The following ADCY8 variants were observed in gnomAD, a reference collection of about 807,000 sequenced individuals.
ADCY8 encodes adenylate cyclase 8, also known as adenylate cyclase type 8.
A neutral mutation model predicts 119.7 loss-of-function variants in ADCY8; 51 were observed. That is an observed-to-expected ratio of 0.43 (90% CI 0.34 to 0.54). The LOEUF (loss-of-function observed/expected upper bound fraction) is 0.54, where lower values mean the gene tolerates loss of function less well. ADCY8 is among the 20% of genes least tolerant of loss of function. The pLI is 0.03. For synonymous variants in ADCY8, 665 were observed against 651.0 expected (o/e 1.02, Z -0.33); for missense variants, 1,383 against 1,598.8 (o/e 0.87, Z 2.30).
chr8:130,881,690 C>T (rs1255694759), intron 8 of ADCY8, among the ~76,000 whole-genome samples: 1 of 151,922 alleles, frequency 6.6e-6, no homozygotes, highest in Non-Finnish European at 1.5e-5. Context: ...TTCAATTTTC[C>T]TTAAAATGTA....
chr8:130,785,343 C>T, intron 16 of ADCY8, 40 bp downstream of exon 16: 1 of 1,434,694 alleles, frequency 7.0e-7, no homozygotes. Context: ...AACAGCAAGA[C>T]CCCACCATGC....
intron 2 of ADCY8, among the ~76,000 whole-genome samples, chr8:130,972,216 C>T (rs1257643229): frequency 6.6e-6 from 1 of 152,196 alleles, no homozygotes; most frequent in Non-Finnish European, 1.5e-5. Context: ...TTATTGAGCA[C>T]TTACTATGTG....
At chr8:131,010,780 C>A (rs1586653759) in intron 1 of ADCY8, among the ~76,000 whole-genome samples, 1 of 152,210 alleles carries the variant, frequency 6.6e-6, no homozygotes, top group African/African-American at 2.4e-5. Context: ...CTTTCATAAT[C>A]ATGCTACCTA....
intron 1 of ADCY8, among the ~76,000 whole-genome samples, chr8:131,014,260 G>A (rs946391649): frequency 4.6e-5 from 7 of 152,068 alleles, no homozygotes; most frequent in South Asian, 2.1e-4. Flanking sequence ...CTCATTTCAC[G>A]TTTCAATCAA....
chr8:130,801,031 TG>T, intron 14 of ADCY8, among the ~76,000 whole-genome samples: 1 of 152,302 alleles, frequency 6.6e-6, no homozygotes, highest in East Asian at 1.9e-4. Context: ...ACCATCACCT[TG>T]TGAGTTAGGG....
At position 131,024,693 on chromosome 8, in the gene ADCY8, C is replaced by T. The variant is rs572656845; in HGVS notation, c.960+14681G>A. On this transcript the variant is annotated intron_variant, in intron 1 of 17. Coordinates refer to ENST00000286355, the MANE Select transcript of ADCY8 (RefSeq NM_001115.3). ...TAATTATCACAATTACTAGTCCGTT[C>T]GAAACAAATTCAATGACTGAATGAC... Among the ~76,000 whole-genome samples the T allele has an allele frequency of 5.3e-5, 8 of 152,224 alleles. No homozygotes were observed. In the East Asian group the frequency reaches 5.8e-4, roughly 11 times the overall value.
chr8:130,852,540 C>T (rs1817567396), intron 9 of ADCY8, among the ~76,000 whole-genome samples: 1 of 152,122 alleles, frequency 6.6e-6, no homozygotes, highest in African/African-American at 2.4e-5. Context: ...TCATGTGGCT[C>T]ATTCACATGA....
intron 15 of ADCY8, among the ~76,000 whole-genome samples, chr8:130,791,807 G>T (rs1386249783): frequency 6.6e-6 from 1 of 152,184 alleles, no homozygotes; most frequent in Non-Finnish European, 1.5e-5. Context: ...TCCATCCCTT[G>T]TCATGTAGGC....
intron 5 of ADCY8, among the ~76,000 whole-genome samples, chr8:130,936,238 C>A (rs1447496914): frequency 1.3e-5 from 2 of 152,084 alleles, no homozygotes; most frequent in African/African-American, 2.4e-5. Context: ...TGTCTGAAAG[C>A]CACACACAGC....
chr8:131,013,739 T>C (rs1260686075), intron 1 of ADCY8, among the ~76,000 whole-genome samples: 3 of 151,984 alleles, frequency 2.0e-5, no homozygotes, highest in African/African-American at 7.3e-5. Flanking sequence ...TGATTCATCA[T>C]TAGTTACTGA....
chr8:130,981,256 T>C (rs1199108295), intron 2 of ADCY8, among the ~76,000 whole-genome samples: 1 of 152,246 alleles, frequency 6.6e-6, no homozygotes, highest in Non-Finnish European at 1.5e-5. Context: ...CCAATCTATT[T>C]TGGGTGTGAC....
intron 12 of ADCY8, 78 bp downstream of exon 12, chr8:130,836,199 G>A: frequency 7.0e-7 from 1 of 1,435,540 alleles, no homozygotes. Flanking sequence ...TAGTAATGCA[G>A]CGGGCATCAT....
At chr8:130,849,273 C>T (rs2130313046) in intron 10 of ADCY8, among the ~76,000 whole-genome samples, 1 of 152,308 alleles carries the variant, frequency 6.6e-6, no homozygotes, top group African/African-American at 2.4e-5. Context: ...CAGTGCATGG[C>T]ACATAGCAGG....
intron 11 of ADCY8, among the ~76,000 whole-genome samples, chr8:130,843,859 G>A (rs1440125506): frequency 6.6e-6 from 1 of 152,158 alleles, no homozygotes; most frequent in Admixed American, 6.5e-5. Flanking sequence ...TAGGAAGGAT[G>A]GAGTGTGAAT....
chr8:130,899,908 C>T (rs1819539281), intron 7 of ADCY8, among the ~76,000 whole-genome samples: 1 of 152,158 alleles, frequency 6.6e-6, no homozygotes, highest in South Asian at 2.1e-4. Flanking sequence ...TGGATATTCT[C>T]CCCCATATGT....
chr8:130,871,279 T>G (rs751280217), intron 8 of ADCY8, among the ~76,000 whole-genome samples: 2 of 152,192 alleles, frequency 1.3e-5, no homozygotes, highest in African/African-American at 2.4e-5. Flanking sequence ...CCTTGTCTCA[T>G]CTCTGTTCTG....
intron 5 of ADCY8, among the ~76,000 whole-genome samples, chr8:130,921,449 CTTTTTTTTTT>C (rs35570520): frequency 9.3e-6 from 1 of 107,656 alleles, no homozygotes; most frequent in Admixed American, 9.3e-5. Flanking sequence ...TTTTTCTTTT[CTTTTTTTTTT>C]TTTTTTTTGA....
At chr8:130,951,397 G>C (rs1821266568) in intron 3 of ADCY8, among the ~76,000 whole-genome samples, 1 of 152,154 alleles carries the variant, frequency 6.6e-6, no homozygotes, top group African/African-American at 2.4e-5. Flanking sequence ...TGGATGGATG[G>C]ATAGATGGAT....
intron 5 of ADCY8, among the ~76,000 whole-genome samples, chr8:130,916,750 G>A (rs1279749822): frequency 2.0e-5 from 3 of 152,322 alleles, no homozygotes; most frequent in East Asian, 1.9e-4. Flanking sequence ...CAATTAATTC[G>A]GCCCATCCCT....
Sources: allele counts gnomAD v4.1 joint callset (sites outside exome capture counted in the v4.1 genomes callset), GRCh38; gene constraint gnomAD v4.1.1; transcripts MANE v1.5; gene names NCBI Gene and HGNC (gene_info 2026-07-23, HGNC 2026-07-21).